Variants in GSTCD observed in about 807,000 individuals in gnomAD.
GSTCD encodes glutathione S-transferase C-terminal domain containing.
In GSTCD, 44 loss-of-function variants were observed where a neutral mutation model predicts 68.3. The observed-to-expected ratio is 0.64, with a 90% confidence interval of 0.51 to 0.83. GSTCD has a LOEUF of 0.83. Ranked by LOEUF, GSTCD falls within the 40% of genes least tolerant of loss-of-function variation. The pLI is 0.00. For synonymous variants in GSTCD, 273 were observed against 255.2 expected (o/e 1.07, Z -0.67); for missense variants, 739 against 735.9 (o/e 1.00, Z -0.05).
intron 5 of GSTCD, among the ~76,000 whole-genome samples, chr4:105,749,300 C>T (rs1733923733): frequency 6.6e-6 from 1 of 151,498 alleles, no homozygotes; most frequent in South Asian, 2.1e-4. Context: ...TAATCAAATC[C>T]TCCTGAAATG....
chr4:105,709,554 T>C (rs1228145095), intron 1 of GSTCD, among the ~76,000 whole-genome samples: 2 of 152,178 alleles, frequency 1.3e-5, no homozygotes, highest in Non-Finnish European at 2.9e-5. Flanking sequence ...TTAACTTCTA[T>C]AGAAAGTTTA....
chr4:105,791,784 A>G (rs1167169141), intron 5 of GSTCD, among the ~76,000 whole-genome samples: 1 of 83,222 alleles, frequency 1.2e-5, no homozygotes, highest in East Asian at 1.0e-3. Flanking sequence ...GATTAAATAC[A>G]GTATTCCAAA....
intron 5 of GSTCD, among the ~76,000 whole-genome samples, chr4:105,742,465 A>T (rs1028656752): frequency 7.9e-5 from 12 of 152,184 alleles, no homozygotes; most frequent in African/African-American, 2.9e-4. Flanking sequence ...TTAGCTACCT[A>T]GCTAGATAAC....
intron 5 of GSTCD, among the ~76,000 whole-genome samples, chr4:105,739,105 G>C (rs1270036734): frequency 6.6e-6 from 1 of 152,078 alleles, no homozygotes; most frequent in East Asian, 1.9e-4. Context: ...CATAAGTTTT[G>C]TCCCTCATTC....
At chr4:105,804,647 C>T (rs184705987) in intron 5 of GSTCD, among the ~76,000 whole-genome samples, 111 of 152,020 alleles carry the variant, frequency 7.3e-4, no homozygotes, top group Non-Finnish European at 1.5e-3. Flanking sequence ...TTTTCTTCAA[C>T]CTTTATTTTA....
intron 5 of GSTCD, among the ~76,000 whole-genome samples, chr4:105,790,828 C>CT (rs1246206317): frequency 6.6e-5 from 10 of 151,796 alleles, no homozygotes; most frequent in South Asian, 2.1e-4. Flanking sequence ...CCCTCAGTGC[C>CT]TTTTTTTTAA....
intron 5 of GSTCD, among the ~76,000 whole-genome samples, chr4:105,789,493 T>G (rs542094285): frequency 4.0e-4 from 61 of 152,014 alleles, no homozygotes; most frequent in Non-Finnish European, 6.9e-4. Flanking sequence ...GTTCAAGTAC[T>G]GTTGGAATGA....
chr4:105,723,510 T>C (rs1732936661), intron 3 of GSTCD, among the ~76,000 whole-genome samples: 1 of 151,796 alleles, frequency 6.6e-6, no homozygotes, highest in Non-Finnish European at 1.5e-5. Flanking sequence ...AGAAGTAATC[T>C]AGGATTTAAA....
At position 105,735,397 on chromosome 4, in the gene GSTCD, G is replaced by A. The variant is rs181529616; in HGVS notation, c.1240+5898G>A. On this transcript the variant is annotated intron_variant, in intron 5 of 11. Transcript: ENST00000515279. ...TGGCGGGCACCCCTTCCCCAGCCTC[G>A]CTGCTGCCTTGCAGTTCTATCTCAG... 7.4e-3 allele frequency among the ~76,000 whole-genome samples: 1,124 copies of A among 152,264 alleles called. 5 individuals are homozygous for A. Among genetic ancestry groups the A allele is most frequent in the Middle Eastern group, 0.031 (9 of 294 alleles).
In GSTCD at chr4:105,822,938, T is replaced by A. The variant is rs1723380406; in HGVS notation, c.1241-16T>A. On this transcript the variant is annotated splice_polypyrimidine_tract_variant and intron_variant, in intron 5 of 11. Coordinates refer to ENST00000515279, the MANE Select transcript of GSTCD (RefSeq NM_001370181.1). ...ATATATAATGTTTTGTGTTCTTCAT[T>A]TCTTGTCTTTCTCAGGTAAAATGTC... is the stretch of plus-strand genomic sequence containing the variant. The A allele has an allele frequency of 6.3e-7, 1 of 1,576,636 alleles. No individual in the cohort carries two copies. Among genetic ancestry groups the A allele is most frequent in the African/African-American group, 1.4e-5 (1 of 74,006 alleles).
intron 10 of GSTCD, 95 bp from the exon 11 acceptor site, chr4:105,841,970 C>A: frequency 1.2e-6 from 1 of 844,274 alleles, no homozygotes; most frequent in Admixed American, 2.0e-5. Flanking sequence ...CAATGTTGAA[C>A]TCCAGAAAAA....
intron 5 of GSTCD, among the ~76,000 whole-genome samples, chr4:105,776,906 C>T (rs1164055416): frequency 3.3e-5 from 5 of 152,170 alleles, no homozygotes; most frequent in Admixed American, 2.6e-4. Context: ...TCCATCTCTA[C>T]TATGCTGCAG....
At chr4:105,817,474 G>A (rs970292245) in intron 5 of GSTCD, among the ~76,000 whole-genome samples, 1 of 151,876 alleles carries the variant, frequency 6.6e-6, no homozygotes, top group Non-Finnish European at 1.5e-5. Context: ...AGACTGAACT[G>A]TGGGGTTTGT....
chr4:105,766,391 A>C (rs1221962508), intron 5 of GSTCD, among the ~76,000 whole-genome samples: 1 of 152,176 alleles, frequency 6.6e-6, no homozygotes, highest in African/African-American at 2.4e-5. Flanking sequence ...CCTTTTACTA[A>C]TAGCCTTCAT....
chr4:105,823,400 T>C (rs1479921163), intron 7 of GSTCD, 125 bp downstream of exon 7: 2 of 644,814 alleles, frequency 3.1e-6, no homozygotes, highest in East Asian at 5.4e-5. Flanking sequence ...GGCACAGGCA[T>C]TGTCTTTTCT....
chr4:105,727,836 A>T (rs1733093110), intron 4 of GSTCD, among the ~76,000 whole-genome samples: 1 of 152,156 alleles, frequency 6.6e-6, no homozygotes, highest in South Asian at 2.1e-4. Context: ...TGCTTTTAAT[A>T]GGTGATGTGA....
At chr4:105,794,065 G>A (rs906728057) in intron 5 of GSTCD, among the ~76,000 whole-genome samples, 13 of 151,966 alleles carry the variant, frequency 8.6e-5, no homozygotes, top group South Asian at 4.1e-4. Flanking sequence ...TTAATACTCC[G>A]GAGATTATAA....
At chr4:105,837,174 G>C (rs769503732) in intron 9 of GSTCD, among the ~76,000 whole-genome samples, 3 of 152,122 alleles carry the variant, frequency 2.0e-5, no homozygotes, top group Non-Finnish European at 2.9e-5. Flanking sequence ...AATTCCTAGA[G>C]ATAGTAAAGG....
intron 7 of GSTCD, among the ~76,000 whole-genome samples, chr4:105,823,990 G>A (rs952744082): frequency 1.3e-5 from 2 of 152,132 alleles, no homozygotes; most frequent in African/African-American, 4.8e-5. Flanking sequence ...CTTCTGCCAT[G>A]TTAAATCAGT....
Sources: allele counts gnomAD v4.1 joint callset (sites outside exome capture counted in the v4.1 genomes callset), GRCh38; gene constraint gnomAD v4.1.1; transcripts MANE v1.5; gene names NCBI Gene and HGNC (gene_info 2026-07-23, HGNC 2026-07-21).